The following ATP2A2 variants were observed in gnomAD, a reference collection of about 807,000 sequenced individuals.
The protein encoded by ATP2A2 is ATPase sarcoplasmic/endoplasmic reticulum Ca2+ transporting 2.
Under a neutral mutation model 109.3 loss-of-function variants are expected in ATP2A2, and 14 were observed. The ratio of observed to expected loss-of-function variants is 0.13; its 90% CI spans 0.08 to 0.20. The LOEUF is 0.20. Among genes scored for constraint, ATP2A2 ranks in the 10% least tolerant of loss-of-function variants. The pLI is 1.00. For missense variants in ATP2A2, 657 were observed against 1,321.6 expected, an observed-to-expected ratio of 0.50 and a Z score of 7.80; for synonymous variants, 506 against 490.9, an observed-to-expected ratio of 1.03 and a Z score of -0.41.
At chr12:110,286,081 G>A (rs185575250) in intron 3 of ATP2A2, among the ~76,000 whole-genome samples, 1 of 151,904 alleles carries the variant, frequency 6.6e-6, no homozygotes, top group African/African-American at 2.4e-5. Flanking sequence ...CCACCACCAC[G>A]CCCGGCTAAT....
Position 110,339,476 on chromosome 12 carries a change from G to A in ATP2A2, c.1543-27G>A, listed in dbSNP as rs1340645001. On this transcript the variant is annotated intron_variant, in intron 12 of 19. Transcript: ENST00000539276. This position sits in a 1 kb window ranked among gnomAD's most constrained non-coding sequence, Gnocchi z 4.4. ...CCCGGTGAACCAATAAAACAAAATTGTTTATCTAAATCTGTAACATTTCCA... is the reference window on the plus strand; with the variant it reads ...CCCGGTGAACCAATAAAACAAAATTATTTATCTAAATCTGTAACATTTCCA... The A allele has an allele frequency of 6.2e-7, 1 of 1,613,814 alleles. No individual in the cohort carries two copies. Among genetic ancestry groups the A allele is most frequent in the African/African-American group, 1.3e-5 (1 of 74,868 alleles).
rs1566242102 is a variant in ATP2A2 at position 110,344,870 on chromosome 12, C to T, written c.2522-16C>T. The T allele has an allele frequency of 1.2e-6, 2 of 1,613,940 alleles. No homozygotes were observed. The highest frequency in any genetic ancestry group is 8.5e-7 in the Non-Finnish European group (1 of 1,179,816). On this transcript the variant is annotated splice_polypyrimidine_tract_variant and intron_variant, in intron 16 of 19. Transcript: ENST00000539276. ...TGCAGAGGCAAGTGCATCAGCATCA[C>T]TGTGTTTGTTCCCAGGTTACGTCGG...
At chr12:110,336,926 C>T (rs1200379578) in intron 11 of ATP2A2, among the ~76,000 whole-genome samples, 1 of 152,094 alleles carries the variant, frequency 6.6e-6, no homozygotes, top group Non-Finnish European at 1.5e-5. Flanking sequence ...GTTGGTGTAA[C>T]TAAAAATCTG....
intron 5 of ATP2A2, among the ~76,000 whole-genome samples, chr12:110,302,594 TA>T (rs1294285866): frequency 1.3e-5 from 2 of 149,944 alleles, no homozygotes; most frequent in Non-Finnish European, 3.0e-5. Context: ...CTATTATTAT[TA>T]TTATTATTAT....
intron 3 of ATP2A2, among the ~76,000 whole-genome samples, chr12:110,290,700 G>A (rs1873172659): frequency 6.6e-6 from 1 of 152,138 alleles, no homozygotes; most frequent in African/African-American, 2.4e-5. Context: ...TGCCTCCCAG[G>A]TTCAAGCGAT....
In ATP2A2 at chr12:110,323,093, C is replaced by G. The variant is rs375290230; in HGVS notation, c.544+21C>G. ...CACAGGTAAATATGATATATTAAGT[C>G]ATTGAATTTCTGAAGACCTTCGCAT... On this transcript the variant is annotated intron_variant, in intron 6 of 19. Transcript: ENST00000539276. 308 of 1,570,736 alleles carry G rather than the reference C, an allele frequency of 2.0e-4. 1 individual carries two copies. Among genetic ancestry groups the G allele is most frequent in the Middle Eastern group, 1.7e-3 (10 of 5,998 alleles).
intron 5 of ATP2A2, among the ~76,000 whole-genome samples, chr12:110,308,078 T>C (rs1875576337): frequency 6.6e-6 from 1 of 152,196 alleles, no homozygotes; most frequent in African/African-American, 2.4e-5. Flanking sequence ...TTTTTACGTA[T>C]TGATCTTGTA....
At chr12:110,338,654 G>T (rs1879068416) in intron 11 of ATP2A2, among the ~76,000 whole-genome samples, 1 of 152,106 alleles carries the variant, frequency 6.6e-6, no homozygotes, top group African/African-American at 2.4e-5. Context: ...CACCATGTTG[G>T]CCAGGCTGGT....
At position 110,281,801 on chromosome 12, in the gene ATP2A2, G is replaced by A; in HGVS notation, c.12G>A (p.Ala4=). MEN[A]HTKTVEEVLG... is the part of the protein sequence containing the mutation. Reference sequence around the variant, plus strand: ...GGGCCCCCGAAGCCATGGAGAACGCGCACACCAAGACGGTGGAGGAGGTGC... The same window carrying A: ...GGGCCCCCGAAGCCATGGAGAACGCACACACCAAGACGGTGGAGGAGGTGC... The change falls in exon 1 of 20, where the codon GCG becomes GCA. Residue 4 remains alanine, a synonymous_variant. Coordinates refer to ENST00000539276, the MANE Select transcript of ATP2A2 (RefSeq NM_170665.4). The A allele has an allele frequency of 1.3e-6, 2 of 1,524,714 alleles. No individual in the cohort carries two copies. Among genetic ancestry groups the A allele is most frequent in the Non-Finnish European group, 1.8e-6 (2 of 1,135,478 alleles). 94.4% of individuals were successfully genotyped at this position (1,524,714 alleles called of 1,614,324 possible).
chr12:110,326,778 A>T (rs1877844277), intron 7 of ATP2A2, among the ~76,000 whole-genome samples: 1 of 152,204 alleles, frequency 6.6e-6, no homozygotes, highest in African/African-American at 2.4e-5. Flanking sequence ...GTATTTTCAA[A>T]ATGATGTAGA....
At chr12:110,303,574 C>T (rs529466591) in intron 5 of ATP2A2, among the ~76,000 whole-genome samples, 1 of 152,258 alleles carries the variant, frequency 6.6e-6, no homozygotes, top group African/African-American at 2.4e-5. Flanking sequence ...CCACGCCCAG[C>T]TAATTTTTGT....
Position 110,348,880 on chromosome 12 carries a change from A to T in ATP2A2, c.*2410A>T. 1 of 985,456 alleles carries T rather than the reference A, an allele frequency of 1.0e-6. No individual in the cohort carries two copies. The highest frequency in any genetic ancestry group is 1.7e-5 in the African/African-American group (1 of 57,368). The allele number at this position is 985,456 out of a possible 1,614,324, so 61.0% of individuals were successfully genotyped here. A position where few individuals can be genotyped will look rare whatever the true frequency, so the allele number is the denominator to read the frequency against. On this transcript the variant is annotated 3_prime_UTR_variant, in exon 20 of 20. Coordinates refer to ENST00000539276, the MANE Select transcript of ATP2A2 (RefSeq NM_170665.4). ...TGAATGGGCCAAATGCAAGGAGTGC[A>T]TCTCTGGGCTGCAAACTGACTTGAG...
rs1879807940 is a variant in ATP2A2 at position 110,345,941 on chromosome 12, G to A, written c.2742-60G>A. The A allele has an allele frequency of 2.0e-6, 3 of 1,528,446 alleles. No homozygotes were observed. In the Admixed American group the frequency reaches 5.0e-5, roughly 26 times the overall value. 94.7% of individuals were successfully genotyped at this position (1,528,446 alleles called of 1,614,324 possible). A position where few individuals can be genotyped will look rare whatever the true frequency, so the allele number is the denominator to read the frequency against. Reference sequence around the variant, plus strand: ...AAGTGTAGTCCAACAGGGTCTTACTGCCACTGTGACACGTGCCTTGCCTTG... The same window carrying A: ...AAGTGTAGTCCAACAGGGTCTTACTACCACTGTGACACGTGCCTTGCCTTG... On this transcript the variant is annotated intron_variant, in intron 18 of 19. Transcript: ENST00000539276.
In ATP2A2 at chr12:110,344,158, C is replaced by T. The variant is rs549879142; in HGVS notation, c.2521+724C>T. On this transcript the variant is annotated intron_variant, in intron 16 of 19. Transcript: ENST00000539276. ...CCTGCTTGTCAGATCCTTCCATATC[C>T]GGACATGCGTAGTGCCTCATCCTTG... 9.2e-5 allele frequency among the ~76,000 whole-genome samples: 14 copies of T among 152,216 alleles called. No individual in the cohort carries two copies. In the South Asian group the frequency reaches 1.7e-3, roughly 18 times the overall value.
chr12:110,288,473 C>T (rs897682234), intron 3 of ATP2A2, among the ~76,000 whole-genome samples: 53 of 151,580 alleles, frequency 3.5e-4, no homozygotes, highest in African/African-American at 6.6e-4. Flanking sequence ...GGCGCGATCT[C>T]GGCTCGCTGT....
rs751446073 is a variant in ATP2A2 at position 110,281,968 on chromosome 12, C to T, written c.118+61C>T. The T allele has an allele frequency of 7.3e-6, 10 of 1,372,644 alleles. 1 individual carries two copies. The highest frequency in any genetic ancestry group is 9.9e-6 in the Non-Finnish European group (10 of 1,011,062). The allele number at this position is 1,372,644 out of a possible 1,614,324, so 85.0% of individuals were successfully genotyped here. ...CGGCCGGGAGAGCCAGGGAAGATGG[C>T]TGACCGGGCTCCACCTCGTGGGCTT... On this transcript the variant is annotated intron_variant, in intron 1 of 19. Coordinates refer to ENST00000539276, the MANE Select transcript of ATP2A2 (RefSeq NM_170665.4).
chr12:110,330,554 C>A (rs886890965), intron 8 of ATP2A2: 1 of 152,130 alleles, frequency 6.6e-6, no homozygotes, highest in African/African-American at 2.4e-5. Flanking sequence ...TCAGAATAGT[C>A]TTTATGTCTG....
At chr12:110,297,663 G>A (rs955240667) in intron 5 of ATP2A2, among the ~76,000 whole-genome samples, 1 of 151,716 alleles carries the variant, frequency 6.6e-6, no homozygotes. Context: ...CTGTTACCCG[G>A]GCTGGAGTGC....
intron 17 of ATP2A2, 80 bp downstream of exon 17, chr12:110,345,051 C>A: frequency 1.3e-6 from 2 of 1,519,224 alleles, no homozygotes; most frequent in South Asian, 2.3e-5. Context: ...CGGTATCTAT[C>A]AAATCATCTT....
Sources: allele counts gnomAD v4.1 joint callset (sites outside exome capture counted in the v4.1 genomes callset), GRCh38; gene constraint gnomAD v4.1.1; non-coding constraint Gnocchi (gnomAD v3.1); transcripts MANE v1.5; gene names NCBI Gene and HGNC (gene_info 2026-07-23, HGNC 2026-07-21).